ZFHX3: variants seen among roughly 807,000 people sequenced by gnomAD.
The protein encoded by ZFHX3 is zinc finger homeobox protein 3.
Under a neutral mutation model 279.1 loss-of-function variants are expected in ZFHX3, and 42 were observed. That is an observed-to-expected ratio of 0.15 (90% CI 0.12 to 0.19). The LOEUF (loss-of-function observed/expected upper bound fraction) is 0.19. ZFHX3 is among the 10% of genes least tolerant of loss of function. The pLI is 1.00. For synonymous variants in ZFHX3, 2,293 were observed against 1,957.8 expected (o/e 1.17, Z -4.52); for missense variants, 4,981 against 4,754.0 (o/e 1.05, Z -1.40).
intron 2 of ZFHX3, among the ~76,000 whole-genome samples, chr16:73,548,070 G>A (rs1387593787): frequency 1.3e-5 from 2 of 152,138 alleles, no homozygotes; most frequent in African/African-American, 4.8e-5. Context: ...TTTTTCTTCT[G>A]CAAATATGTA....
intron 5 of ZFHX3, among the ~76,000 whole-genome samples, chr16:73,236,533 G>A (rs1015339402): frequency 6.6e-6 from 1 of 152,106 alleles, no homozygotes; most frequent in African/African-American, 2.4e-5. Flanking sequence ...GAGAGGCAGA[G>A]GTTGTAGTGA....
rs765289601 is a variant in ZFHX3, at chr16:72,798,273, T to C, written c.4409A>G (p.Asn1470Ser). The part of the protein sequence containing the change: ...IQQLYGGLLA[N>S]GDLLAMGDPT... Reference sequence around the variant, plus strand: ...GTCTCCCATTGCCAGGAGGTCCCCATTGGCCAGCAGGCCACCATAAAGCTG... The same window carrying C: ...GTCTCCCATTGCCAGGAGGTCCCCACTGGCCAGCAGGCCACCATAAAGCTG... Residue 1470 changes from asparagine to serine, a missense_variant, in exon 9 of 10, where the codon AAT (asparagine) becomes AGT (serine). Physicochemically the swap from Asn to Ser is conservative, Grantham distance 46 (BLOSUM62 1). This residue lies in a region of ZFHX3 where 1,751 missense variants were observed against 1,770.0 expected (regional missense o/e 0.99). Transcript: ENST00000268489. 4.3e-6 allele frequency: 7 copies of C among 1,614,210 alleles called. No individual in the cohort carries two copies. The South Asian group carries it at 5.5e-5, about 13-fold the overall frequency.
At chr16:73,778,666 C>T (rs938724914) in intron 1 of ZFHX3, among the ~76,000 whole-genome samples, 6 of 152,188 alleles carry the variant, frequency 3.9e-5, no homozygotes, top group Non-Finnish European at 8.8e-5. Context: ...CTCTGCACAG[C>T]GCTAAATTCT....
At chr16:73,429,509 T>A (rs979940277) in intron 3 of ZFHX3, among the ~76,000 whole-genome samples, 8 of 151,892 alleles carry the variant, frequency 5.3e-5, no homozygotes, top group South Asian at 2.1e-4. Flanking sequence ...ATTTTTGGAT[T>A]TTTAGTAGAG....
intron 5 of ZFHX3, among the ~76,000 whole-genome samples, chr16:73,203,333 C>G (rs1193754698): frequency 6.6e-6 from 1 of 152,178 alleles, no homozygotes; most frequent in East Asian, 1.9e-4. Context: ...ATGTCACTTC[C>G]TCTAGAAAGT....
At chr16:73,584,440 C>A (rs561285067) in intron 2 of ZFHX3, among the ~76,000 whole-genome samples, 1 of 152,170 alleles carries the variant, frequency 6.6e-6, no homozygotes, top group African/African-American at 2.4e-5. Flanking sequence ...TGATCATCAA[C>A]AATGGAAGTG....
rs1241793736 is a variant in ZFHX3 at position 73,289,548 on chromosome 16, AG to A, written c.-1194+28691del. Among the ~76,000 whole-genome samples, 5 of 152,150 alleles carry A rather than the reference AG, an allele frequency of 3.3e-5. No homozygotes were observed. In the East Asian group the frequency reaches 7.8e-4, roughly 24 times the overall value. On this transcript the variant is annotated intron_variant, in intron 4 of 17. Transcript: ENST00000641206. ...CATGAAACATTTCTCAGCAGCTCAG[AG>A]GTACTGCTCTCTAATCCACAGCTGA...
intron 5 of ZFHX3, among the ~76,000 whole-genome samples, chr16:73,184,272 T>G (rs2144881736): frequency 6.6e-6 from 1 of 152,298 alleles, no homozygotes; most frequent in African/African-American, 2.4e-5. Flanking sequence ...ACACCTCTAC[T>G]TTCAGAGTGA....
intron 1 of ZFHX3, among the ~76,000 whole-genome samples, chr16:73,035,113 G>A (rs1231733906): frequency 6.6e-6 from 1 of 152,142 alleles, no homozygotes; most frequent in East Asian, 1.9e-4. Flanking sequence ...CGATAGAGAT[G>A]TGCTGAAGGT....
At chr16:72,955,822 AC>A (rs1193470990) in intron 2 of ZFHX3, among the ~76,000 whole-genome samples, 1 of 148,978 alleles carries the variant, frequency 6.7e-6, no homozygotes, top group Non-Finnish European at 1.5e-5. Context: ...ACATGAACCT[AC>A]CCACGTTCCC....
At chr16:72,936,348 G>T (rs987874921) in intron 3 of ZFHX3, among the ~76,000 whole-genome samples, 7 of 152,206 alleles carry the variant, frequency 4.6e-5, no homozygotes, top group Admixed American at 4.6e-4. Flanking sequence ...AAGCATTAGG[G>T]ACAGAGCTGT....
At chr16:73,751,616 T>C (rs2053763131) in intron 1 of ZFHX3, among the ~76,000 whole-genome samples, 1 of 152,300 alleles carries the variant, frequency 6.6e-6, no homozygotes, top group African/African-American at 2.4e-5. Flanking sequence ...ATTTTTTAAA[T>C]AAAAATAAAA....
chr16:73,318,940 T>A (rs966079590), intron 3 of ZFHX3, among the ~76,000 whole-genome samples: 2 of 152,190 alleles, frequency 1.3e-5, no homozygotes, highest in African/African-American at 4.8e-5. Flanking sequence ...AAAGCCCAAC[T>A]GGCCCTTCTT....
chr16:73,055,961 T>C (rs1244396982), intron 1 of ZFHX3, among the ~76,000 whole-genome samples: 1 of 152,152 alleles, frequency 6.6e-6, no homozygotes, highest in Non-Finnish European at 1.5e-5. Flanking sequence ...AGCAGGGCAG[T>C]TTATTCAGAG....
chr16:72,847,925 C>A (rs1178544901), intron 4 of ZFHX3, among the ~76,000 whole-genome samples: 1 of 152,082 alleles, frequency 6.6e-6, no homozygotes, highest in Non-Finnish European at 1.5e-5. Flanking sequence ...CTCCTCCCCT[C>A]CTCCATCTCA....
intron 3 of ZFHX3, among the ~76,000 whole-genome samples, chr16:73,425,585 G>T (rs1038792212): frequency 2.0e-5 from 3 of 152,098 alleles, no homozygotes; most frequent in African/African-American, 7.2e-5. Context: ...GAGTTAATGG[G>T]TTTGATGGCT....
intron 2 of ZFHX3, among the ~76,000 whole-genome samples, chr16:73,506,971 C>G (rs181707828): frequency 6.6e-6 from 1 of 152,164 alleles, no homozygotes; most frequent in South Asian, 2.1e-4. Flanking sequence ...GGGCTCCAAC[C>G]TGACCCTTCT....
chr16:73,197,060 T>A (rs2144894778), intron 5 of ZFHX3, among the ~76,000 whole-genome samples: 1 of 152,318 alleles, frequency 6.6e-6, no homozygotes, highest in African/African-American at 2.4e-5. Flanking sequence ...TTGCCCACCA[T>A]AATTGTTTAT....
chr16:72,855,009 C>G (rs1458140794), intron 4 of ZFHX3, among the ~76,000 whole-genome samples: 2 of 151,642 alleles, frequency 1.3e-5, no homozygotes, highest in Non-Finnish European at 2.9e-5. Flanking sequence ...CATCTGAGGG[C>G]AATGGGGAGA....
Sources: gnomAD v4.1 joint callset for allele counts (sites outside exome capture counted in the v4.1 genomes callset) on GRCh38, gnomAD v4.1.1 for gene constraint, gnomAD v4.1.1 regional missense constraint, MANE v1.5 for transcripts, NCBI Gene and HGNC (gene_info 2026-07-23, HGNC 2026-07-21) for gene names.